Variants in HDAC9 observed in about 807,000 individuals in gnomAD.
HDAC9 encodes MEF-2 interacting transcription repressor (MITR) protein.
HDAC9 carries 41 observed loss-of-function variants against 139.4 expected under a neutral mutation model. The observed-to-expected ratio is 0.29, with a 90% CI of 0.23 to 0.38. The LOEUF (loss-of-function observed/expected upper bound fraction) is 0.38. Ranked by LOEUF, HDAC9 falls within the 10% of genes least tolerant of loss-of-function variation. The pLI is 1.00. For missense variants in HDAC9, 1,147 were observed against 1,297.0 expected (o/e 0.88, Z 1.78); for synonymous variants, 517 against 476.2 (o/e 1.09, Z -1.12).
chr7:18,629,425 G>C lies in HDAC9; in HGVS notation c.740G>C (p.Arg247Thr). The change falls in exon 7 of 26, where the codon AGG becomes ACG. Residue 247 changes from arginine (R) to threonine (T), a missense_variant. Around this residue, in one of 7 missense-constraint regions of HDAC9, gnomAD observed 264 missense variants for 273.8 expected, o/e 0.96. Coordinates refer to ENST00000686413, the MANE Select transcript of HDAC9 (RefSeq NM_178425.4). The stretch of plus-strand genomic sequence containing the variant: ...GAGAGGAGAAGCAGCCCCTTACTCA[G>C]GCGGAAGGATGGAAATGTTGTCACT... ...VAERRSSPLL[R>T]RKDGNVVTSF... 1 of 1,612,038 alleles carries C rather than the reference G, an allele frequency of 6.2e-7. No individual in the cohort carries two copies. Among genetic ancestry groups the C allele is most frequent in the Non-Finnish European group, 8.5e-7 (1 of 1,179,028 alleles).
At chr7:18,132,465 A>ACTGG (rs1224114457) in intron 1 of HDAC9, among the ~76,000 whole-genome samples, 1 of 152,096 alleles carries the variant, frequency 6.6e-6, no homozygotes, top group East Asian at 1.9e-4. Context: ...GTTAAAGTGC[A>ACTGG]GCGGGTGATC....
intron 1 of HDAC9, among the ~76,000 whole-genome samples, chr7:18,367,170 T>C (rs1278645363): frequency 6.6e-6 from 1 of 152,048 alleles, no homozygotes; most frequent in African/African-American, 2.4e-5. Context: ...TACAATCATA[T>C]TTAATTCCAT....
chr7:18,211,185 T>C (rs929740190), intron 2 of HDAC9, among the ~76,000 whole-genome samples: 3 of 152,244 alleles, frequency 2.0e-5, no homozygotes, highest in Admixed American at 6.5e-5. Context: ...ATTTCACCCG[T>C]TGTTTTACAA....
intron 19 of HDAC9, among the ~76,000 whole-genome samples, chr7:18,832,901 A>C (rs1184806044): frequency 6.6e-6 from 1 of 151,896 alleles, no homozygotes; most frequent in Non-Finnish European, 1.5e-5. Flanking sequence ...ATACCCAGCT[A>C]ATTTTTGTAT....
chr7:18,409,812 T>C (rs1378815449), intron 1 of HDAC9, among the ~76,000 whole-genome samples: 1 of 152,156 alleles, frequency 6.6e-6, no homozygotes, highest in Non-Finnish European at 1.5e-5. Context: ...ACATGTAATC[T>C]TAGGATGGAA....
In HDAC9 at chr7:18,990,036, A is replaced by C. The variant is rs182864350; in HGVS notation, c.3171-5987A>C. 2.1e-3 allele frequency among the ~76,000 whole-genome samples: 319 copies of C among 152,126 alleles called. 2 individuals are homozygous for C. The highest frequency in any genetic ancestry group is 4.0e-3 in the Non-Finnish European group (272 of 68,006). ...AGCTCAGAGTAATTTGATCGTCTGA[A>C]GCCTTCTTCTCTCAGCTCATCAAAG... On this transcript the variant is annotated intron_variant, in intron 25 of 25. Coordinates refer to ENST00000686413, the MANE Select transcript of HDAC9 (RefSeq NM_178425.4).
At chr7:18,150,446 G>T (rs563060496) in intron 1 of HDAC9, among the ~76,000 whole-genome samples, 17 of 152,262 alleles carry the variant, frequency 1.1e-4, no homozygotes, top group South Asian at 1.0e-3. Context: ...AAAGTGAATT[G>T]CATACACACT....
chr7:18,656,795 T>C (rs1264360205), intron 11 of HDAC9, among the ~76,000 whole-genome samples: 1 of 152,146 alleles, frequency 6.6e-6, no homozygotes, highest in Admixed American at 6.6e-5. Context: ...CTTTTAGGTA[T>C]ATGCCTAGCA....
chr7:18,501,082 T>G (rs1204379391), intron 2 of HDAC9, among the ~76,000 whole-genome samples: 1 of 151,972 alleles, frequency 6.6e-6, no homozygotes, highest in African/African-American at 2.4e-5. Flanking sequence ...TTCTCAAACA[T>G]GAAAGAGGCT....
chr7:18,320,985 A>G (rs1799986566), intron 1 of HDAC9, among the ~76,000 whole-genome samples: 1 of 152,204 alleles, frequency 6.6e-6, no homozygotes, highest in Admixed American at 6.5e-5. Context: ...ACTAGTATTG[A>G]GAATAAAAAT....
intron 25 of HDAC9, among the ~76,000 whole-genome samples, chr7:18,978,949 T>TGG (rs577791104): frequency 6.6e-6 from 1 of 150,684 alleles, no homozygotes; most frequent in African/African-American, 2.4e-5. Flanking sequence ...TGTGTGTGTG[T>TGG]TTTTTTTTTA....
intron 12 of HDAC9, among the ~76,000 whole-genome samples, chr7:18,709,802 G>A (rs183960931): frequency 1.3e-5 from 2 of 152,288 alleles, no homozygotes; most frequent in South Asian, 4.1e-4. Context: ...CTCCCAAAGT[G>A]TTGGCATCAC....
At chr7:18,305,873 T>A (rs938450187) in intron 1 of HDAC9, among the ~76,000 whole-genome samples, 1 of 151,970 alleles carries the variant, frequency 6.6e-6, no homozygotes, top group Non-Finnish European at 1.5e-5. Context: ...TGAAGGGAAG[T>A]ACTTCCCAGG....
intron 1 of HDAC9, among the ~76,000 whole-genome samples, chr7:18,300,346 A>G (rs556205537): frequency 1.9e-4 from 29 of 152,258 alleles, no homozygotes; most frequent in African/African-American, 6.3e-4. Flanking sequence ...GACAGGGGTT[A>G]AGATCCGTTT....
rs115756919 is a variant in HDAC9 at position 18,316,770 on chromosome 7, T to C, written c.-42+26255T>C. 9.6e-3 allele frequency among the ~76,000 whole-genome samples: 1,466 copies of C among 151,984 alleles called. 21 individuals are homozygous for C. The highest frequency in any genetic ancestry group is 0.033 in the African/African-American group (1,363 of 41,458). ...AGTTGGAGGTTGTGGCGAGCCAAGA[T>C]TGTGCCATTGTATTCCAGCCTGGGT... On this transcript the variant is annotated intron_variant, in intron 1 of 3. Transcript: ENST00000413509.
chr7:18,439,246 G>T (rs12666539), intron 1 of HDAC9, among the ~76,000 whole-genome samples: 1 of 152,196 alleles, frequency 6.6e-6, no homozygotes, highest in Non-Finnish European at 1.5e-5. Context: ...TGACTACAAA[G>T]TGTTTCCCTA....
chr7:18,386,705 C>T (rs1451411289), intron 1 of HDAC9, among the ~76,000 whole-genome samples: 1 of 152,210 alleles, frequency 6.6e-6, no homozygotes, highest in Non-Finnish European at 1.5e-5. Context: ...TAAACCATAG[C>T]TGGAAAAGAG....
rs192548007 is a variant in HDAC9 at position 18,883,484 on chromosome 7, A to G, written c.2803+8888A>G. On this transcript the variant is annotated intron_variant, in intron 22 of 25. Transcript: ENST00000686413. ...TGCAGAAAAGGCATTTGACAAATTCAATGTCCTTTTATAATAAAAACTCCC... is the reference window on the plus strand; with the variant it reads ...TGCAGAAAAGGCATTTGACAAATTCGATGTCCTTTTATAATAAAAACTCCC... Among the ~76,000 whole-genome samples the G allele has an allele frequency of 1.4e-4, 22 of 152,278 alleles. No individual in the cohort carries two copies. In the East Asian group the frequency reaches 3.7e-3, roughly 25 times the overall value.
chr7:18,805,764 T>C, intron 17 of HDAC9, among the ~76,000 whole-genome samples: 1 of 152,208 alleles, frequency 6.6e-6, no homozygotes, highest in Admixed American at 6.5e-5. Context: ...ATGTCTGCTG[T>C]GACTGAAGGC....
Sources: allele counts gnomAD v4.1 joint callset (sites outside exome capture counted in the v4.1 genomes callset), GRCh38; gene constraint gnomAD v4.1.1; regional missense constraint gnomAD v4.1.1; transcripts MANE v1.5; gene names NCBI Gene and HGNC (gene_info 2026-07-23, HGNC 2026-07-21).